APBA2: variants seen among roughly 807,000 people sequenced by gnomAD.
APBA2 encodes amyloid beta precursor protein binding family A member 2, also known as amyloid-beta A4 precursor protein-binding family A member 2.
APBA2 carries 30 observed loss-of-function variants against 75.0 expected under a neutral mutation model. The ratio of observed to expected loss-of-function variants is 0.40; its 90% confidence interval spans 0.30 to 0.54. The LOEUF (loss-of-function observed/expected upper bound fraction) is 0.54, where lower values mean the gene tolerates loss of function less well. Ranked by LOEUF, APBA2 falls within the 20% of genes least tolerant of loss-of-function variation. The pLI is 0.49. For missense variants in APBA2, 801 were observed against 1,016.1 expected, an observed-to-expected ratio of 0.79 and a Z score of 2.88; for synonymous variants, 444 against 409.6, an observed-to-expected ratio of 1.08 and a Z score of -1.01.
At chr15:29,063,165 G>A (rs1595872011) in intron 4 of APBA2, among the ~76,000 whole-genome samples, 4 of 115,316 alleles carry the variant, frequency 3.5e-5, no homozygotes, top group South Asian at 8.1e-4. Flanking sequence ...TGTATGGGTG[G>A]TGCGGGGAGT....
In APBA2 at chr15:29,054,678, G is replaced by A. The variant is rs770745046; in HGVS notation, c.794G>A (p.Cys265Tyr). 18 of 1,613,914 alleles carry A rather than the reference G, an allele frequency of 1.1e-5. No homozygotes were observed. In the Middle Eastern group the frequency reaches 8.2e-4, roughly 74 times the overall value. The change falls in exon 4 of 15, where the codon TGC (cysteine) becomes TAC (tyrosine). Residue 265 changes from cysteine (C) to tyrosine (Y), a missense_variant. Cys to Tyr is a radical substitution (Grantham distance 194). Around this residue, in one of 2 missense-constraint regions of APBA2, gnomAD observed 434 missense variants for 471.6 expected, o/e 0.92. Coordinates refer to ENST00000683413, the MANE Select transcript of APBA2 (RefSeq NM_001353788.2). The surrounding 1 kb of genome is among the most constrained non-coding windows in gnomAD (Gnocchi z 6.1). ...GGGCCTGAGGACTCTGTAGAGGCCT[G>A]CCCACCCATCAAGGCCAGCTGCAGC... ...EPGPEDSVEA[C>Y]PPIKASCSPS...
intron 3 of APBA2, among the ~76,000 whole-genome samples, chr15:29,023,618 A>G (rs4779470): frequency 0.36 from 54,801 of 150,428 alleles, 16,160 homozygotes; most frequent in African/African-American, 0.79. Flanking sequence ...CCCATGCTTG[A>G]CTAATTTTTG....
At chr15:29,008,636 A>C (rs1220126234) in intron 3 of APBA2, among the ~76,000 whole-genome samples, 1 of 152,114 alleles carries the variant, frequency 6.6e-6, no homozygotes, top group Non-Finnish European at 1.5e-5. Context: ...TTGAGCCTGG[A>C]AGTTCGAGGC....
chr15:28,964,813 T>G (rs902273118), intron 2 of APBA2, among the ~76,000 whole-genome samples: 2 of 138,006 alleles, frequency 1.4e-5, no homozygotes, highest in African/African-American at 5.7e-5. Context: ...TCTAATTAGA[T>G]TTTTTTTTTA....
At chr15:29,013,365 C>T (rs529392816) in intron 3 of APBA2, among the ~76,000 whole-genome samples, 20 of 150,996 alleles carry the variant, frequency 1.3e-4, no homozygotes, top group Admixed American at 9.2e-4. Context: ...CTGCGAGCTC[C>T]GCCTCACGGG....
intron 3 of APBA2, among the ~76,000 whole-genome samples, chr15:29,038,842 T>G (rs796451941): frequency 7.3e-5 from 11 of 151,228 alleles, no homozygotes; most frequent in African/African-American, 2.7e-4. Flanking sequence ...CCTGGCTGAT[T>G]TTTGTATGTT....
chr15:29,103,492 G>A (rs961261892), intron 10 of APBA2, among the ~76,000 whole-genome samples: 5 of 152,204 alleles, frequency 3.3e-5, no homozygotes, highest in Non-Finnish European at 7.4e-5. Flanking sequence ...CGCAGAGAGA[G>A]CCCCCTGAAC....
chr15:28,970,806 A>C (rs1250204485), intron 2 of APBA2, among the ~76,000 whole-genome samples: 1 of 151,756 alleles, frequency 6.6e-6, no homozygotes, highest in African/African-American at 2.4e-5. Context: ...AACAAAGCCC[A>C]GGGCTGGGGT....
intron 1 of APBA2, among the ~76,000 whole-genome samples, chr15:28,909,236 C>G (rs552956153): frequency 1.3e-5 from 2 of 152,058 alleles, no homozygotes; most frequent in Admixed American, 1.3e-4. Context: ...GTGATCCGCC[C>G]GCCTCGGCCT....
At chr15:29,034,776 G>A (rs1028228506) in intron 3 of APBA2, among the ~76,000 whole-genome samples, 2 of 152,186 alleles carry the variant, frequency 1.3e-5, no homozygotes, top group Non-Finnish European at 2.9e-5. Context: ...GCAGACTTCA[G>A]GGTCCTGCCC....
chr15:29,080,165 C>A (rs1217230739), intron 6 of APBA2, among the ~76,000 whole-genome samples: 1 of 152,182 alleles, frequency 6.6e-6, no homozygotes, highest in African/African-American at 2.4e-5. Context: ...TTCTTTGAGC[C>A]AGGCCCAGAT....
intron 2 of APBA2, among the ~76,000 whole-genome samples, chr15:28,952,754 CTG>C (rs1315478309): frequency 1.3e-5 from 2 of 152,176 alleles, no homozygotes; most frequent in African/African-American, 2.4e-5. Flanking sequence ...TGATACCTTA[CTG>C]TGTTCCTACA....
intron 2 of APBA2, among the ~76,000 whole-genome samples, chr15:28,990,980 G>C (rs929518534): frequency 1.3e-5 from 2 of 152,204 alleles, no homozygotes; most frequent in African/African-American, 4.8e-5. Flanking sequence ...GCACAAATGA[G>C]AGTCTTGAGG....
At position 29,113,966 on chromosome 15, in the gene APBA2, G is replaced by T. The variant is rs1277159529; in HGVS notation, c.2128G>T (p.Ala710Ser). 6.2e-7 allele frequency: 1 copy of T among 1,613,646 alleles called. No homozygotes were observed. The highest frequency in any genetic ancestry group is 8.5e-7 in the Non-Finnish European group (1 of 1,180,048). Residue 710 changes from alanine to serine, a missense_variant, in exon 14 of 15, where the codon GCC becomes TCC. Transcript: ENST00000683413. Reference sequence around the variant, plus strand: ...CGAGATCAACGGGCAGAGCGTGGTGGCCACAGCCCACGAGAAGATAGTCCA... The same window carrying T: ...CGAGATCAACGGGCAGAGCGTGGTGTCCACAGCCCACGAGAAGATAGTCCA... ...IIEINGQSVV[A>S]TAHEKIVQAL... is the part of the protein sequence containing the mutation.
At chr15:28,922,320 C>T (rs1214931597) in intron 2 of APBA2, among the ~76,000 whole-genome samples, 1 of 152,206 alleles carries the variant, frequency 6.6e-6, no homozygotes, top group African/African-American at 2.4e-5. Context: ...CCAGGCACCA[C>T]CAGTGTGGGC....
At chr15:28,973,028 A>G (rs188182990) in intron 2 of APBA2, among the ~76,000 whole-genome samples, 5 of 152,362 alleles carry the variant, frequency 3.3e-5, no homozygotes, top group African/African-American at 9.6e-5. Flanking sequence ...AGAACTCCCA[A>G]GTATACGATC....
chr15:29,117,286 T>G lies in APBA2; in HGVS notation c.*153T>G. 1.5e-6 allele frequency: 1 copy of G among 674,590 alleles called. No homozygotes were observed. The highest frequency in any genetic ancestry group is 2.7e-5 in the East Asian group (1 of 36,794). 41.8% of individuals were successfully genotyped at this position (674,590 alleles called of 1,614,324 possible). On this transcript the variant is annotated 3_prime_UTR_variant, in exon 15 of 15. Coordinates refer to ENST00000683413, the MANE Select transcript of APBA2 (RefSeq NM_001353788.2). Reference sequence around the variant, plus strand: ...GTGTGCCCTCACCACCCACTTGATTTTTTTCATTTTGCCAAAAAGGGGTAT... The same window carrying G: ...GTGTGCCCTCACCACCCACTTGATTGTTTTCATTTTGCCAAAAAGGGGTAT...
At chr15:29,042,036 A>C (rs2041072335) in intron 3 of APBA2, among the ~76,000 whole-genome samples, 1 of 152,188 alleles carries the variant, frequency 6.6e-6, no homozygotes, top group Non-Finnish European at 1.5e-5. Flanking sequence ...AGGTGTCCTC[A>C]GGACTGGTGC....
chr15:28,890,742 G>A (rs1328772127), intron 1 of APBA2, among the ~76,000 whole-genome samples: 3 of 152,206 alleles, frequency 2.0e-5, no homozygotes, highest in African/African-American at 7.2e-5. Flanking sequence ...CACGCACGAG[G>A]CCTCTTGCCT....
Sources: allele counts gnomAD v4.1 joint callset (sites outside exome capture counted in the v4.1 genomes callset), GRCh38; gene constraint gnomAD v4.1.1; regional missense constraint gnomAD v4.1.1; non-coding constraint Gnocchi (gnomAD v3.1); transcripts MANE v1.5; gene names NCBI Gene and HGNC (gene_info 2026-07-23, HGNC 2026-07-21).